Variants in HPF1 observed in about 807,000 individuals in gnomAD.
The protein encoded by HPF1 is UPF0609 protein C4orf27.
Under a neutral mutation model 38.8 loss-of-function variants are expected in HPF1, and 35 were observed. That is an observed-to-expected ratio of 0.90 (90% CI 0.69 to 1.19). The LOEUF (loss-of-function observed/expected upper bound fraction) is 1.19, where lower values mean the gene tolerates loss of function less well. HPF1 is among the 50% of genes most tolerant of loss of function. HPF1 has a pLI of 0.00. For missense variants in HPF1, 367 were observed against 405.8 expected, an observed-to-expected ratio of 0.90 and a Z score of 0.82; for synonymous variants, 115 against 139.2, an observed-to-expected ratio of 0.83 and a Z score of 1.22.
intron 5 of HPF1, among the ~76,000 whole-genome samples, chr4:169,738,015 G>T (rs1581315001): frequency 6.6e-6 from 1 of 152,088 alleles, no homozygotes; most frequent in East Asian, 1.9e-4. Flanking sequence ...ACCCTGATTT[G>T]TTAAGGAAGA....
chr4:169,753,028 GTT>G (rs71590035), intron 2 of HPF1, among the ~76,000 whole-genome samples: 1 of 103,890 alleles, frequency 9.6e-6, no homozygotes, highest in Non-Finnish European at 1.8e-5. Context: ...CCTTGGTTAG[GTT>G]TTTTTTTTTT....
intron 1 of HPF1, among the ~76,000 whole-genome samples, chr4:169,757,252 TCTC>T (rs1050119716): frequency 2.8e-4 from 43 of 152,152 alleles, no homozygotes; most frequent in African/African-American, 1.0e-3. Flanking sequence ...CGCCCAAACA[TCTC>T]CTACAGTTTT....
rs905052611 is a variant in HPF1 at position 169,757,702 on chromosome 4, A to C, written c.48+128T>G. 8.6e-6 allele frequency: 8 copies of C among 934,644 alleles called. No individual in the cohort carries two copies. The African/African-American group carries it at 9.9e-5, about 12-fold the overall frequency. 57.9% of individuals were successfully genotyped at this position (934,644 alleles called of 1,614,324 possible). A position where few individuals can be genotyped will look rare whatever the true frequency, so the allele number is the denominator to read the frequency against. Reference sequence around the variant, plus strand: ...CAGCGGCCCTGGGCAGGATCCCCGCAGCAAACCGCAGCCCCTGGACACACA... The same window carrying C: ...CAGCGGCCCTGGGCAGGATCCCCGCCGCAAACCGCAGCCCCTGGACACACA... On this transcript the variant is annotated intron_variant, in intron 1 of 7. Transcript: ENST00000393381.
intron 5 of HPF1, among the ~76,000 whole-genome samples, chr4:169,739,596 T>C (rs1034187730): frequency 1.3e-5 from 2 of 152,032 alleles, no homozygotes; most frequent in Admixed American, 6.6e-5. Context: ...CAAACACACC[T>C]ACACACACAC....
At chr4:169,755,663 GA>G (rs1023832219) in intron 1 of HPF1, among the ~76,000 whole-genome samples, 9 of 152,112 alleles carry the variant, frequency 5.9e-5, no homozygotes, top group African/African-American at 2.2e-4. Flanking sequence ...TTTTAATGAG[GA>G]AAAAAGCTCT....
At position 169,753,028 on chromosome 4, in the gene HPF1, G is replaced by GTTTTTT. The variant is rs71590035; in HGVS notation, c.208+642_208+647dup. On this transcript the variant is annotated intron_variant, in intron 2 of 7. Coordinates refer to ENST00000393381, the MANE Select transcript of HPF1 (RefSeq NM_017867.3). Reference sequence around the variant, plus strand: ...ATGAACAGTTTATATCCTTGGTTAGGTTTTTTTTTTTTTTTTTTTTTCTGA... The same window carrying GTTTTTT: ...ATGAACAGTTTATATCCTTGGTTAGGTTTTTTTTTTTTTTTTTTTTTTTTTTTCTGA... Among the ~76,000 whole-genome samples the GTTTTTT allele has an allele frequency of 1.8e-3, 182 of 103,890 alleles. 4 individuals are homozygous for GTTTTTT. Among genetic ancestry groups the GTTTTTT allele is most frequent in the African/African-American group, 4.8e-3 (126 of 26,366 alleles). 68.2% of individuals were successfully genotyped at this position (103,890 alleles called of 152,430 possible).
At chr4:169,740,096 A>G (rs1733951350) in intron 5 of HPF1, among the ~76,000 whole-genome samples, 2 of 152,218 alleles carry the variant, frequency 1.3e-5, no homozygotes, top group South Asian at 4.1e-4. Flanking sequence ...ATGGGATCAC[A>G]GGTGGATGGA....
intron 3 of HPF1, among the ~76,000 whole-genome samples, chr4:169,749,684 A>C (rs1167817032): frequency 1.3e-5 from 2 of 149,278 alleles, no homozygotes; most frequent in Admixed American, 6.7e-5. Context: ...CCTAAAACTA[A>C]GATTCTTAGG....
chr4:169,755,718 TAAG>T (rs1734180675), intron 1 of HPF1, among the ~76,000 whole-genome samples: 1 of 152,206 alleles, frequency 6.6e-6, no homozygotes, highest in African/African-American at 2.4e-5. Flanking sequence ...GTTCAAAAAC[TAAG>T]AATAAATATT....
chr4:169,750,709 G>T lies in HPF1; in HGVS notation c.225C>A (p.Ser75Arg), dbSNP rs370278872. ...PEKPSDSLSA[S>R]LGLQLVGPYD... ...AAGGACCAACTAATTGAAGTCCAAGGCTTGCAGAAAGTGAATCTATAAAGA... is the reference window on the plus strand; with the variant it reads ...AAGGACCAACTAATTGAAGTCCAAGTCTTGCAGAAAGTGAATCTATAAAGA... Residue 75 changes from serine (S) to arginine (R), a missense_variant, in exon 3 of 8, where the codon AGC becomes AGA. Ser to Arg is a moderately radical substitution (Grantham distance 110, BLOSUM62 -1). Transcript: ENST00000393381. 72 of 1,603,970 alleles carry T rather than the reference G, an allele frequency of 4.5e-5. No homozygotes were observed. The highest frequency in any genetic ancestry group is 6.0e-5 in the Non-Finnish European group (70 of 1,176,126).
intron 4 of HPF1, among the ~76,000 whole-genome samples, 196 bp from the exon 5 acceptor site, chr4:169,742,303 G>A (rs1473433762): frequency 1.3e-5 from 2 of 152,118 alleles, no homozygotes; most frequent in African/African-American, 4.8e-5. Context: ...AAAACTGCCA[G>A]TCAGAGAAAG....
chr4:169,757,026 C>T (rs1381873151), intron 1 of HPF1, among the ~76,000 whole-genome samples: 1 of 152,218 alleles, frequency 6.6e-6, no homozygotes, highest in African/African-American at 2.4e-5. Context: ...ATTTATGACA[C>T]TACCAGAGTA....
At chr4:169,732,346 G>A (rs13141011) in intron 6 of HPF1, among the ~76,000 whole-genome samples, 17,374 of 151,996 alleles carry the variant, frequency 0.11, 1,159 homozygotes, top group South Asian at 0.19. Context: ...TCACCATGTT[G>A]GCCAGGATGG....
chr4:169,753,743 A>G lies in HPF1; in HGVS notation c.141T>C (p.Leu47=). The part of the protein sequence containing the change: ...LRKEVENHYK[L]SLPEDFYHFW... Reference sequence around the variant, plus strand: ...AGTGATAGAAATCTTCAGGTAAAGAAAGCTTATAATGATTTTCTACTTCTT... The same window carrying G: ...AGTGATAGAAATCTTCAGGTAAAGAGAGCTTATAATGATTTTCTACTTCTT... The change falls in exon 2 of 8, where the codon CTT becomes CTC. Residue 47 remains leucine, a synonymous_variant. Coordinates refer to ENST00000393381, the MANE Select transcript of HPF1 (RefSeq NM_017867.3). The G allele has an allele frequency of 6.2e-7, 1 of 1,613,462 alleles. No individual in the cohort carries two copies. Among genetic ancestry groups the G allele is most frequent in the South Asian group, 1.1e-5 (1 of 90,972 alleles).
rs769129262 is a variant in HPF1, at chr4:169,729,527, A to G, written c.*51T>C. The G allele has an allele frequency of 7.6e-7, 1 of 1,323,776 alleles. No individual in the cohort carries two copies. The highest frequency in any genetic ancestry group is 2.4e-5 in the South Asian group (1 of 41,152). The allele number at this position is 1,323,776 out of a possible 1,614,324, so 82.0% of individuals were successfully genotyped here. A position where few individuals can be genotyped will look rare whatever the true frequency, so the allele number is the denominator to read the frequency against. ...CCTTAAAAACAAAACAAAAATCACA[A>G]GTTTAATACTAGTCCTTTGAAATAC... is the stretch of plus-strand genomic sequence containing the variant. On this transcript the variant is annotated 3_prime_UTR_variant, in exon 8 of 8. Transcript: ENST00000393381.
chr4:169,732,455 T>A (rs946049179), intron 6 of HPF1, among the ~76,000 whole-genome samples: 2 of 152,170 alleles, frequency 1.3e-5, no homozygotes, highest in African/African-American at 4.8e-5. Context: ...ATGATTTTTT[T>A]AAAAAGTCTA....
chr4:169,743,293 G>A (rs1221110940), intron 4 of HPF1, among the ~76,000 whole-genome samples: 3 of 151,274 alleles, frequency 2.0e-5, no homozygotes, highest in South Asian at 4.2e-4. Flanking sequence ...TATTTTTAGT[G>A]GAGACAGGGT....
intron 4 of HPF1, among the ~76,000 whole-genome samples, chr4:169,742,719 G>C (rs925167709): frequency 6.6e-6 from 1 of 152,182 alleles, no homozygotes; most frequent in South Asian, 2.1e-4. Context: ...GTGAACCCGG[G>C]AGGCAGAGCT....
chr4:169,756,400 T>A (rs1244120787), intron 1 of HPF1, among the ~76,000 whole-genome samples: 2 of 152,250 alleles, frequency 1.3e-5, no homozygotes, highest in Non-Finnish European at 2.9e-5. Context: ...AGTCCTGAGC[T>A]ATCCTATCTT....
Sources: gnomAD v4.1 joint callset for allele counts (sites outside exome capture counted in the v4.1 genomes callset) on GRCh38, gnomAD v4.1.1 for gene constraint, MANE v1.5 for transcripts, NCBI Gene and HGNC (gene_info 2026-07-23, HGNC 2026-07-21) for gene names.